The following TMEM131L variants were observed in gnomAD, a reference collection of about 807,000 sequenced individuals.
The protein encoded by TMEM131L is transmembrane 131 like.
TMEM131L carries 54 observed loss-of-function variants against 192.2 expected under a neutral mutation model. That is an observed-to-expected ratio of 0.28 (90% CI 0.23 to 0.35). TMEM131L has a LOEUF of 0.35. TMEM131L is among the 10% of genes least tolerant of loss of function. The pLI is 1.00. For synonymous variants in TMEM131L, 701 were observed against 704.9 expected (o/e 0.99, Z 0.09); for missense variants, 1,888 against 1,972.9 (o/e 0.96, Z 0.82).
intron 7 of TMEM131L, among the ~76,000 whole-genome samples, chr4:153,567,042 G>T (rs1194237718): frequency 6.6e-6 from 1 of 152,196 alleles, no homozygotes. Context: ...GTTGTTACCT[G>T]CTACTTGCCT....
rs987981934 is a variant in TMEM131L at position 153,584,172 on chromosome 4, G to A, written c.1060+500G>A. On this transcript the variant is annotated intron_variant, in intron 11 of 34. Coordinates refer to ENST00000409959, the MANE Select transcript of TMEM131L (RefSeq NM_001131007.2). Reference sequence around the variant, plus strand: ...GTGTTCAGAAACATGCATGGACAGCGATGCGAGCAGTGTGTGTACATTTAA... The same window carrying A: ...GTGTTCAGAAACATGCATGGACAGCAATGCGAGCAGTGTGTGTACATTTAA... Among the ~76,000 whole-genome samples the A allele has an allele frequency of 2.6e-5, 4 of 152,170 alleles. No homozygotes were observed. In the East Asian group the frequency reaches 5.8e-4, roughly 22 times the overall value.
At chr4:153,512,077 A>G (rs1734395127) in intron 3 of TMEM131L, among the ~76,000 whole-genome samples, 1 of 138,744 alleles carries the variant, frequency 7.2e-6, no homozygotes, top group South Asian at 2.1e-4. Context: ...GAAATGATGT[A>G]CTGTTTCCAA....
At chr4:153,623,125 C>T (rs1016750927) in intron 29 of TMEM131L, 42 bp downstream of exon 29, 1 of 1,502,964 alleles carries the variant, frequency 6.7e-7, no homozygotes, top group Admixed American at 2.2e-5. Flanking sequence ...GGTGGCCCTT[C>T]CCTCTGCCCT....
chr4:153,618,476 CAAAAA>C (rs10669791), intron 26 of TMEM131L, among the ~76,000 whole-genome samples: 1 of 99,462 alleles, frequency 1.0e-5, no homozygotes, highest in Non-Finnish European at 1.9e-5. Flanking sequence ...ACCCTGTCTC[CAAAAA>C]AAAAAAAAAA....
At chr4:153,578,487 C>G (rs1221463102) in intron 7 of TMEM131L, among the ~76,000 whole-genome samples, 1 of 149,646 alleles carries the variant, frequency 6.7e-6, no homozygotes, top group Non-Finnish European at 1.5e-5. Context: ...TCCCAAGTAG[C>G]TGGGACTACA....
chr4:153,604,577 AGTT>A (rs1324065140), intron 25 of TMEM131L, 147 bp downstream of exon 25: 4 of 838,132 alleles, frequency 4.8e-6, no homozygotes, highest in Non-Finnish European at 7.4e-6. Context: ...CAAAATGAAA[AGTT>A]CAAGACAAGA....
Position 153,622,976 on chromosome 4 carries a change from C to G in TMEM131L, c.3938C>G (p.Ser1313Cys). 6.2e-7 allele frequency: 1 copy of G among 1,614,238 alleles called. No homozygotes were observed. Among genetic ancestry groups the G allele is most frequent in the Non-Finnish European group, 8.5e-7 (1 of 1,180,032 alleles). Residue 1313 changes from serine to cysteine, a missense_variant, in exon 29 of 35, where the codon TCT becomes TGT. Coordinates refer to ENST00000409959, the MANE Select transcript of TMEM131L (RefSeq NM_001131007.2). ...SDSSSDCGSS[S>C]GSVRASRGSW... ...TCCAGCTCTGACTGTGGGAGCTCCT[C>G]TGGCAGCGTGCGTGCCAGCCGGGGC...
At chr4:153,491,734 T>C (rs1238856930) in intron 3 of TMEM131L, among the ~76,000 whole-genome samples, 1 of 152,178 alleles carries the variant, frequency 6.6e-6, no homozygotes. Context: ...TGAGACAGTG[T>C]CTGGTTCTGT....
In TMEM131L at chr4:153,593,778, C is replaced by T. The variant is rs771000785; in HGVS notation, c.1923-21C>T. On this transcript the variant is annotated intron_variant, in intron 18 of 34. Transcript: ENST00000409959. ...TGGCAGATGTGAGTGCTGTTTTAAA[C>T]ATTTGCTTTTTTCCTTATAGGTTTG... 5.8e-6 allele frequency: 9 copies of T among 1,551,504 alleles called. No individual in the cohort carries two copies. The East Asian group carries it at 1.3e-4, about 23-fold the overall frequency.
intron 3 of TMEM131L, among the ~76,000 whole-genome samples, chr4:153,538,730 G>A (rs1042306258): frequency 6.6e-6 from 1 of 152,210 alleles, no homozygotes; most frequent in African/African-American, 2.4e-5. Context: ...AGCTGTTCCA[G>A]TTAGAATTAA....
At chr4:153,573,362 A>G (rs2150641078) in intron 7 of TMEM131L, among the ~76,000 whole-genome samples, 1 of 152,388 alleles carries the variant, frequency 6.6e-6, no homozygotes, top group East Asian at 1.9e-4. Context: ...CCGAGCCTGG[A>G]TCTTGTTTCA....
chr4:153,524,304 G>A (rs1416256869), intron 3 of TMEM131L, among the ~76,000 whole-genome samples: 1 of 152,182 alleles, frequency 6.6e-6, no homozygotes, highest in African/African-American at 2.4e-5. Context: ...AGAAGGAGGG[G>A]CAGCAGCTAA....
intron 6 of TMEM131L, among the ~76,000 whole-genome samples, chr4:153,557,399 C>G (rs1728547147): frequency 6.6e-6 from 1 of 152,160 alleles, no homozygotes; most frequent in African/African-American, 2.4e-5. Flanking sequence ...TGGCTCTCAC[C>G]TCACGGGCGT....
intron 19 of TMEM131L, among the ~76,000 whole-genome samples, chr4:153,594,128 G>A (rs1367271759): frequency 6.6e-6 from 1 of 152,074 alleles, no homozygotes; most frequent in Non-Finnish European, 1.5e-5. Flanking sequence ...GTTGAACAGA[G>A]CTTTGTAGAA....
intron 7 of TMEM131L, among the ~76,000 whole-genome samples, chr4:153,572,399 C>G (rs1044991812): frequency 1.3e-5 from 2 of 152,106 alleles, no homozygotes; most frequent in African/African-American, 4.8e-5. Context: ...GGCGTGATCT[C>G]GGCTCACTGC....
Position 153,632,704 on chromosome 4 carries a change from G to C in TMEM131L, c.4208-14G>C. On this transcript the variant is annotated splice_polypyrimidine_tract_variant and intron_variant, in intron 31 of 34. Transcript: ENST00000409959. ...TGAGGATAGGGTGGACTCAGGCCTT[G>C]TTCTCTTCCGTAGGTCTTTACTCAC... 6.2e-7 allele frequency: 1 copy of C among 1,614,002 alleles called. No individual in the cohort carries two copies. Among genetic ancestry groups the C allele is most frequent in the Middle Eastern group, 1.6e-4 (1 of 6,062 alleles).
chr4:153,627,797 T>A (rs750870947), intron 31 of TMEM131L, 110 bp downstream of exon 31: 22 of 791,630 alleles, frequency 2.8e-5, no homozygotes, highest in Admixed American at 2.3e-5. Flanking sequence ...CAGGGCCATT[T>A]CCCCACCAGC....
At chr4:153,603,518 GA>G in intron 24 of TMEM131L, 66 bp downstream of exon 24, 1 of 1,490,038 alleles carries the variant, frequency 6.7e-7, no homozygotes, top group Non-Finnish European at 9.0e-7. Flanking sequence ...ACTCATTTCT[GA>G]TTTAATTTTA....
At position 153,602,306 on chromosome 4, in the gene TMEM131L, G is replaced by A. The variant is rs748172214; in HGVS notation, c.2421G>A (p.Leu807=). ...FEVLDCHQFS[L]DPNTSRDISI... ...TGCTGGATTGTCATCAGTTTTCCCTGGACCCAAACACATCCCGCGATATCA... is the reference window on the plus strand; with the variant it reads ...TGCTGGATTGTCATCAGTTTTCCCTAGACCCAAACACATCCCGCGATATCA... The change falls in exon 22 of 35, where the codon CTG becomes CTA. Residue 807 remains leucine, a synonymous_variant. Transcript: ENST00000409959. 40 of 1,613,246 alleles carry A rather than the reference G, an allele frequency of 2.5e-5. No homozygotes were observed. In the South Asian group the frequency reaches 4.2e-4, roughly 17 times the overall value.
Sources: gnomAD v4.1 joint callset for allele counts (sites outside exome capture counted in the v4.1 genomes callset) on GRCh38, gnomAD v4.1.1 for gene constraint, MANE v1.5 for transcripts, NCBI Gene and HGNC (gene_info 2026-07-23, HGNC 2026-07-21) for gene names.